Variants in GPCPD1 observed in about 807,000 individuals in gnomAD.
GPCPD1 encodes the protein glycerophosphocholine phosphodiesterase GPCPD1.
GPCPD1 carries 29 observed loss-of-function variants against 89.2 expected under a neutral mutation model. That is an observed-to-expected ratio of 0.33 (90% CI 0.24 to 0.44). GPCPD1 has a LOEUF of 0.44. Ranked by LOEUF, GPCPD1 falls within the 20% of genes least tolerant of loss-of-function variation. GPCPD1 has a pLI of 1.00. For missense variants in GPCPD1, 594 were observed against 808.9 expected (o/e 0.73, Z 3.22); for synonymous variants, 258 against 266.3 (o/e 0.97, Z 0.30).
intron 3 of GPCPD1, among the ~76,000 whole-genome samples, chr20:5,595,809 G>T (rs534003462): frequency 2.1e-4 from 32 of 151,746 alleles, no homozygotes; most frequent in African/African-American, 5.3e-4. Flanking sequence ...GAAAAAAAGG[G>T]GGGGGGACAA....
rs529909127 is a variant in GPCPD1 at position 5,578,039 on chromosome 20, A to G, written c.705+341T>C. On this transcript the variant is annotated intron_variant, in intron 8 of 19. Transcript: ENST00000379019. The stretch of plus-strand genomic sequence containing the variant: ...TAGTGAGAACTCAATCACGCTTGTT[A>G]CATCGGGATGCCCGCCAAGAGGTAC... Among the ~76,000 whole-genome samples the G allele has an allele frequency of 2.0e-5, 3 of 152,352 alleles. No homozygotes were observed. The South Asian group carries it at 6.2e-4, about 32-fold the overall frequency.
chr20:5,554,851 C>A (rs961206383), intron 19 of GPCPD1, among the ~76,000 whole-genome samples: 1 of 152,186 alleles, frequency 6.6e-6, no homozygotes, highest in Non-Finnish European at 1.5e-5. Context: ...ATTCCAGATA[C>A]CATTAAGAAC....
intron 19 of GPCPD1, 22 bp downstream of exon 19, chr20:5,557,923 A>T: frequency 7.3e-7 from 1 of 1,364,878 alleles, no homozygotes; most frequent in Non-Finnish European, 1.0e-6. Context: ...TTCCATGAAA[A>T]TTTTTCATGA....
intron 1 of GPCPD1, among the ~76,000 whole-genome samples, chr20:5,607,421 T>C (rs571297674): frequency 4.0e-4 from 61 of 151,744 alleles, no homozygotes; most frequent in Non-Finnish European, 7.5e-4. Context: ...CTACTAAAAC[T>C]ACAAAAATTA....
intron 2 of GPCPD1, among the ~76,000 whole-genome samples, chr20:5,602,780 T>A (rs1231388876): frequency 6.6e-6 from 1 of 152,038 alleles, no homozygotes; most frequent in Non-Finnish European, 1.5e-5. Flanking sequence ...GTCAGGAGTT[T>A]GAGACTGGCC....
In GPCPD1 at chr20:5,573,086, C is replaced by CTTTT. The variant is rs201953819; in HGVS notation, c.1056+825_1056+828dup. Among the ~76,000 whole-genome samples the CTTTT allele has an allele frequency of 6.3e-4, 91 of 144,206 alleles. 2 individuals are homozygous for CTTTT. In the South Asian group the frequency reaches 8.6e-3, roughly 14 times the overall value. 94.6% of individuals were successfully genotyped at this position (144,206 alleles called of 152,430 possible). A position where few individuals can be genotyped will look rare whatever the true frequency, so the allele number is the denominator to read the frequency against. ...TAAAATCACCATCAAATCTTTCCTTCTTTTTTTTTTTTTGAGACTGAGTCT... is the reference window on the plus strand; with the variant it reads ...TAAAATCACCATCAAATCTTTCCTTCTTTTTTTTTTTTTTTTTGAGACTGAGTCT... On this transcript the variant is annotated intron_variant, in intron 11 of 19. Transcript: ENST00000379019.
At position 5,590,542 on chromosome 20, in the gene GPCPD1, C is replaced by CAAAAAAAAAA. The variant is rs71197771; in HGVS notation, c.231+2775_231+2784dup. ...TGGGCGACAGAACAAGACTCTGTCTCAAAAAAAAAAATCTCTATTTTTAGT... is the reference window on the plus strand; with the variant it reads ...TGGGCGACAGAACAAGACTCTGTCTCAAAAAAAAAAAAAAAAAAAAATCTCTATTTTTAGT... On this transcript the variant is annotated intron_variant, in intron 4 of 19. Transcript: ENST00000379019. 2.0e-3 allele frequency among the ~76,000 whole-genome samples: 157 copies of CAAAAAAAAAA among 78,982 alleles called. 7 individuals are homozygous for CAAAAAAAAAA. The highest frequency in any genetic ancestry group is 7.7e-3 in the Middle Eastern group (1 of 130). 51.8% of individuals were successfully genotyped at this position (78,982 alleles called of 152,430 possible).
intron 3 of GPCPD1, among the ~76,000 whole-genome samples, chr20:5,594,592 G>C (rs558698247): frequency 6.6e-6 from 1 of 152,050 alleles, no homozygotes; most frequent in Non-Finnish European, 1.5e-5. Context: ...AGGCCCGGCC[G>C]CCTCCAGGTA....
Position 5,586,213 on chromosome 20 carries a change from T to C in GPCPD1, c.288A>G (p.Pro96=). ...CCATACCTAAAGGGGTTATTGATCG[T>C]GGTTGTAGATGAGTCTCCCACTTGT... ...IVHKWETHLQ[P]RSITPLESEI... Residue 96 remains proline, a synonymous_variant, in exon 5 of 20, where the codon CCA becomes CCG. Coordinates refer to ENST00000379019, the MANE Select transcript of GPCPD1 (RefSeq NM_019593.5). The C allele has an allele frequency of 6.3e-7, 1 of 1,582,748 alleles. No homozygotes were observed. Among genetic ancestry groups the C allele is most frequent in the Non-Finnish European group, 8.7e-7 (1 of 1,151,570 alleles).
chr20:5,597,001 G>T (rs1254540499), intron 3 of GPCPD1, among the ~76,000 whole-genome samples: 1 of 152,180 alleles, frequency 6.6e-6, no homozygotes, highest in African/African-American at 2.4e-5. Context: ...ACAGGCAGGG[G>T]TGTGTTTTAG....
intron 19 of GPCPD1, chr20:5,549,487 C>T (rs754980070): frequency 2.7e-5 from 32 of 1,193,984 alleles, no homozygotes; most frequent in Non-Finnish European, 3.8e-5. Flanking sequence ...TTTAAGAAGA[C>T]ACCTTCTGAG....
At chr20:5,581,349 TTAAAA>T (rs1369210192) in intron 6 of GPCPD1, among the ~76,000 whole-genome samples, 2 of 152,134 alleles carry the variant, frequency 1.3e-5, no homozygotes, top group Non-Finnish European at 2.9e-5. Context: ...CACAAATAAA[TTAAAA>T]TATTCATATT....
intron 3 of GPCPD1, among the ~76,000 whole-genome samples, chr20:5,595,440 AG>A (rs1441507334): frequency 3.3e-5 from 5 of 152,132 alleles, no homozygotes; most frequent in African/African-American, 1.2e-4. Flanking sequence ...CAGGAGTTCA[AG>A]ACCAGCCTGA....
intron 10 of GPCPD1, 36 bp downstream of exon 10, chr20:5,575,377 C>G: frequency 6.6e-7 from 1 of 1,511,984 alleles, no homozygotes; most frequent in Non-Finnish European, 9.1e-7. Context: ...ACATAAGCTA[C>G]ACCAAATGCT....
At chr20:5,564,485 A>T (rs1417017934) in intron 15 of GPCPD1, among the ~76,000 whole-genome samples, 1 of 152,168 alleles carries the variant, frequency 6.6e-6, no homozygotes, top group Non-Finnish European at 1.5e-5. Context: ...TTTGAATAGA[A>T]GTTACTCTTG....
At chr20:5,602,461 C>T (rs530702633) in intron 2 of GPCPD1, among the ~76,000 whole-genome samples, 1 of 152,338 alleles carries the variant, frequency 6.6e-6, no homozygotes, top group East Asian at 1.9e-4. Context: ...TAGCAATCTT[C>T]AATCTGCTCA....
intron 2 of GPCPD1, among the ~76,000 whole-genome samples, chr20:5,601,729 C>T (rs1314373979): frequency 6.6e-6 from 1 of 152,148 alleles, no homozygotes; most frequent in Non-Finnish European, 1.5e-5. Context: ...TCATCCCCCA[C>T]ATAAAACAGC....
chr20:5,596,347 G>A (rs564377320), intron 3 of GPCPD1, among the ~76,000 whole-genome samples: 3 of 152,052 alleles, frequency 2.0e-5, no homozygotes, highest in East Asian at 1.9e-4. Flanking sequence ...AACCGAAATC[G>A]TGTCATCGCA....
chr20:5,551,969 T>C (rs1985439612), intron 19 of GPCPD1, among the ~76,000 whole-genome samples: 1 of 152,010 alleles, frequency 6.6e-6, no homozygotes, highest in South Asian at 2.1e-4. Flanking sequence ...ATATCTAAAT[T>C]TGATAATGGA....
Sources: gnomAD v4.1 joint callset for allele counts (sites outside exome capture counted in the v4.1 genomes callset) on GRCh38, gnomAD v4.1.1 for gene constraint, MANE v1.5 for transcripts, NCBI Gene and HGNC (gene_info 2026-07-23, HGNC 2026-07-21) for gene names.